ELOVL6: variants seen among roughly 807,000 people sequenced by gnomAD.
The protein encoded by ELOVL6 is ELOVL fatty acid elongase 6.
A neutral mutation model predicts 31.7 loss-of-function variants in ELOVL6; 8 were observed. The ratio of observed to expected loss-of-function variants is 0.25; its 90% confidence interval spans 0.15 to 0.45. The LOEUF (loss-of-function observed/expected upper bound fraction) is 0.45, where lower values mean the gene tolerates loss of function less well. Among genes scored for constraint, ELOVL6 ranks in the 20% least tolerant of loss-of-function variants. The pLI, the probability that ELOVL6 is intolerant of heterozygous loss-of-function variation, is 1.00. For synonymous variants in ELOVL6, 101 were observed against 117.7 expected, an observed-to-expected ratio of 0.86 and a Z score of 0.92; for missense variants, 126 against 326.4, an observed-to-expected ratio of 0.39 and a Z score of 4.73.
chr4:110,067,559 T>C (rs1156420500), intron 2 of ELOVL6, among the ~76,000 whole-genome samples: 2 of 152,192 alleles, frequency 1.3e-5, no homozygotes, highest in African/African-American at 4.8e-5. Flanking sequence ...CTTCACACGG[T>C]AGCAGAAAGG....
Position 110,051,123 on chromosome 4 carries a change from G to A in ELOVL6, c.*215C>T, listed in dbSNP as rs1289964508. The A allele has an allele frequency of 3.6e-6, 2 of 560,900 alleles. No individual in the cohort carries two copies. Among genetic ancestry groups the A allele is most frequent in the Non-Finnish European group, 6.3e-6 (2 of 315,422 alleles). 34.7% of individuals were successfully genotyped at this position (560,900 alleles called of 1,614,324 possible). ...ATGGGGTCTTCCAGCAGCAGTGCTT[G>A]GAGATGGAGGTGCACTCAGTGAGTC... On this transcript the variant is annotated 3_prime_UTR_variant, in exon 4 of 4. Coordinates refer to ENST00000302274, the MANE Select transcript of ELOVL6 (RefSeq NM_024090.3). The surrounding 1 kb of genome is among the most constrained non-coding windows in gnomAD (Gnocchi z 4.8).
chr4:110,080,200 C>T (rs1282915310), intron 2 of ELOVL6, among the ~76,000 whole-genome samples: 1 of 152,216 alleles, frequency 6.6e-6, no homozygotes, highest in Non-Finnish European at 1.5e-5. Context: ...GAAACTATTA[C>T]AATCAATAGA....
chr4:110,149,667 T>C (rs945121074), intron 1 of ELOVL6, among the ~76,000 whole-genome samples: 4 of 152,176 alleles, frequency 2.6e-5, no homozygotes, highest in African/African-American at 9.7e-5. Context: ...ACGAAGTGTG[T>C]TGCTCCACTG....
intron 2 of ELOVL6, among the ~76,000 whole-genome samples, chr4:110,080,724 G>T (rs1755814872): frequency 1.3e-5 from 2 of 152,256 alleles, no homozygotes; most frequent in South Asian, 4.1e-4. Context: ...TCAACATAGT[G>T]TTGGAAGTTC....
intron 2 of ELOVL6, among the ~76,000 whole-genome samples, chr4:110,084,808 T>C (rs1432359906): frequency 6.6e-6 from 1 of 151,326 alleles, no homozygotes; most frequent in Non-Finnish European, 1.5e-5. Context: ...TTGGTCACGC[T>C]GGTCTCGAAC....
At chr4:110,094,640 G>C (rs1467914094) in intron 2 of ELOVL6, among the ~76,000 whole-genome samples, 1 of 151,254 alleles carries the variant, frequency 6.6e-6, no homozygotes, top group Non-Finnish European at 1.5e-5. Context: ...TGGCTGAGGA[G>C]AGGGAAGAGA....
intron 1 of ELOVL6, among the ~76,000 whole-genome samples, chr4:110,161,243 AT>A (rs1458538989): frequency 6.6e-6 from 1 of 152,236 alleles, no homozygotes; most frequent in Non-Finnish European, 1.5e-5. Context: ...TGTATAAAAT[AT>A]CTTCAAGATG....
At chr4:110,197,715 A>T (rs2126284782) in intron 1 of ELOVL6, among the ~76,000 whole-genome samples, 1 of 152,084 alleles carries the variant, frequency 6.6e-6, no homozygotes, top group East Asian at 2.0e-4. Context: ...AGGACGGTGA[A>T]GTAGGAGCGC....
At chr4:110,054,896 T>A (rs1754936401) in intron 3 of ELOVL6, among the ~76,000 whole-genome samples, 1 of 152,012 alleles carries the variant, frequency 6.6e-6, no homozygotes, top group Non-Finnish European at 1.5e-5. Flanking sequence ...AAGAACAAAA[T>A]TAATTTAAAT....
intron 1 of ELOVL6, among the ~76,000 whole-genome samples, chr4:110,167,707 A>ATGTT (rs1417717839): frequency 8.5e-5 from 12 of 140,664 alleles, no homozygotes; most frequent in Non-Finnish European, 1.6e-4. Flanking sequence ...GTATGTATGT[A>ATGTT]TGTTTGTATG....
chr4:110,047,042 G>A lies in ELOVL6; in HGVS notation c.*4296C>T, dbSNP rs149436102. 8 of 152,280 alleles carry A rather than the reference G, an allele frequency of 5.3e-5. No individual in the cohort carries two copies. The highest frequency in any genetic ancestry group is 1.7e-4 in the African/African-American group (7 of 41,562). 9.4% of individuals were successfully genotyped at this position (152,280 alleles called of 1,614,324 possible). ...CTCACAGCATGAACATAGGCTTTAC[G>A]ATCATCCTAAATTGAGAGCAAGGTA... On this transcript the variant is annotated 3_prime_UTR_variant, in exon 4 of 4. Coordinates refer to ENST00000302274, the MANE Select transcript of ELOVL6 (RefSeq NM_024090.3).
chr4:110,177,839 G>T (rs756749437), intron 1 of ELOVL6, among the ~76,000 whole-genome samples: 35 of 152,144 alleles, frequency 2.3e-4, no homozygotes, highest in Non-Finnish European at 4.1e-4. Context: ...CATCCTAAAA[G>T]TTCCCTGATT....
At chr4:110,172,007 T>A (rs1036214463) in intron 1 of ELOVL6, among the ~76,000 whole-genome samples, 1 of 152,118 alleles carries the variant, frequency 6.6e-6, no homozygotes, top group Non-Finnish European at 1.5e-5. Context: ...TCCTTTATAA[T>A]AAACTAATAC....
intron 1 of ELOVL6, among the ~76,000 whole-genome samples, chr4:110,135,129 G>A (rs1258897762): frequency 6.6e-6 from 1 of 152,168 alleles, no homozygotes; most frequent in African/African-American, 2.4e-5. Context: ...TTGACGATAA[G>A]AGAATCACCT....
chr4:110,084,571 T>C (rs776348830), intron 2 of ELOVL6, among the ~76,000 whole-genome samples: 2 of 39,876 alleles, frequency 5.0e-5, no homozygotes, highest in Non-Finnish European at 8.2e-5. Flanking sequence ...CAGATATATA[T>C]ATATATATAT....
At chr4:110,116,396 G>T (rs781039071) in intron 1 of ELOVL6, among the ~76,000 whole-genome samples, 5 of 152,190 alleles carry the variant, frequency 3.3e-5, no homozygotes, top group Non-Finnish European at 7.4e-5. Flanking sequence ...ACTCAAGAAA[G>T]CATTTTAGAA....
chr4:110,088,006 A>G (rs1441884158), intron 2 of ELOVL6, among the ~76,000 whole-genome samples: 1 of 152,196 alleles, frequency 6.6e-6, no homozygotes, highest in East Asian at 1.9e-4. Flanking sequence ...ACATTTTTGA[A>G]GAGTGTTTTA....
At chr4:110,175,273 C>T (rs1428962026) in intron 1 of ELOVL6, among the ~76,000 whole-genome samples, 1 of 151,954 alleles carries the variant, frequency 6.6e-6, no homozygotes, top group Non-Finnish European at 1.5e-5. Context: ...ATCCCAGCTA[C>T]ACGGGAGGCT....
At chr4:110,058,071 A>C (rs1382615446) in intron 3 of ELOVL6, among the ~76,000 whole-genome samples, 1 of 152,178 alleles carries the variant, frequency 6.6e-6, no homozygotes, top group Admixed American at 6.5e-5. Flanking sequence ...CCACTTCTCT[A>C]GCCTATGACT....
Sources: allele counts gnomAD v4.1 joint callset (sites outside exome capture counted in the v4.1 genomes callset), GRCh38; gene constraint gnomAD v4.1.1; non-coding constraint Gnocchi (gnomAD v3.1); transcripts MANE v1.5; gene names NCBI Gene and HGNC (gene_info 2026-07-23, HGNC 2026-07-21).